Variants in P2RY14 observed in about 807,000 individuals in gnomAD.
P2RY14 encodes purinergic receptor P2Y14, also known as P2Y purinoceptor 14.
In P2RY14, 2 loss-of-function variants were observed where a neutral mutation model predicts 0.9. The ratio of observed to expected loss-of-function variants is 2.16; its 90% CI spans 0.88 to 6.79. The LOEUF (loss-of-function observed/expected upper bound fraction) is 6.79, where lower values mean the gene tolerates loss of function less well. P2RY14 is among the 30% of genes most tolerant of loss of function. The pLI, the probability that P2RY14 is intolerant of heterozygous loss-of-function variation, is 0.05. For synonymous variants in P2RY14, 158 were observed against 147.2 expected (o/e 1.07, Z -0.53); for missense variants, 378 against 400.1 (o/e 0.94, Z 0.47).
chr3:151,218,720 A>C (rs1399288480), intron 2 of P2RY14, among the ~76,000 whole-genome samples: 1 of 151,852 alleles, frequency 6.6e-6, no homozygotes, highest in Non-Finnish European at 1.5e-5. Flanking sequence ...TAAAAAAATT[A>C]GCCAGGTGTG....
intron 1 of P2RY14, among the ~76,000 whole-genome samples, chr3:151,251,248 A>T (rs563442844): frequency 6.6e-6 from 1 of 152,058 alleles, no homozygotes; most frequent in Non-Finnish European, 1.5e-5. Context: ...TTCTACCCAG[A>T]TGCTTCTTGG....
intron 1 of P2RY14, among the ~76,000 whole-genome samples, chr3:151,231,552 GA>G (rs1450092494): frequency 6.6e-6 from 1 of 152,134 alleles, no homozygotes; most frequent in African/African-American, 2.4e-5. Context: ...TTTAGAATAT[GA>G]AACATTTGAT....
At chr3:151,265,931 A>G (rs1739739833) in intron 1 of P2RY14, among the ~76,000 whole-genome samples, 1 of 152,198 alleles carries the variant, frequency 6.6e-6, no homozygotes, top group African/African-American at 2.4e-5. Context: ...GATGGCAGGC[A>G]AAGGGCATCA....
intron 1 of P2RY14, among the ~76,000 whole-genome samples, chr3:151,268,533 A>G (rs964831171): frequency 3.9e-5 from 6 of 152,122 alleles, no homozygotes; most frequent in Non-Finnish European, 1.5e-5. Context: ...AGGTTTCTCC[A>G]TTTTGTCTAA....
intron 1 of P2RY14, among the ~76,000 whole-genome samples, chr3:151,245,971 C>G (rs1735361379): frequency 6.6e-6 from 1 of 150,780 alleles, no homozygotes; most frequent in Non-Finnish European, 1.5e-5. Context: ...TCTTATACAC[C>G]AGCAACAGAC....
At chr3:151,269,397 T>TCACATACACACA (rs1740439949) in intron 1 of P2RY14, 1 of 144,512 alleles carries the variant, frequency 6.9e-6, no homozygotes, top group African/African-American at 2.9e-5. Context: ...TGAAACTCCA[T>TCACATACACACA]CACACACACA....
At chr3:151,227,940 C>A (rs1164169318) in intron 1 of P2RY14, among the ~76,000 whole-genome samples, 2 of 152,316 alleles carry the variant, frequency 1.3e-5, no homozygotes, top group Admixed American at 6.5e-5. Flanking sequence ...TTTGTGCAAC[C>A]AGCCACGTCC....
chr3:151,241,614 A>G (rs1559923832), intron 1 of P2RY14, among the ~76,000 whole-genome samples: 1 of 152,138 alleles, frequency 6.6e-6, no homozygotes, highest in African/African-American at 2.4e-5. Context: ...GGTTATATAT[A>G]TGTGTGTGTG....
intron 1 of P2RY14, among the ~76,000 whole-genome samples, chr3:151,255,191 C>T (rs1231418871): frequency 1.3e-5 from 2 of 152,058 alleles, no homozygotes; most frequent in East Asian, 3.9e-4. Context: ...TAAGAAGGAG[C>T]AATCTGAGGA....
At chr3:151,227,017 G>A (rs2149300887) in intron 1 of P2RY14, among the ~76,000 whole-genome samples, 1 of 152,286 alleles carries the variant, frequency 6.6e-6, no homozygotes, top group Admixed American at 6.5e-5. Flanking sequence ...GCTTGCTGCT[G>A]TTTGTCACCT....
At chr3:151,263,075 G>A (rs1163536658) in intron 1 of P2RY14, among the ~76,000 whole-genome samples, 1 of 152,168 alleles carries the variant, frequency 6.6e-6, no homozygotes, top group African/African-American at 2.4e-5. Flanking sequence ...AGAGACCCAT[G>A]TAGGAGTACA....
At chr3:151,256,485 G>A (rs1737833253) in intron 1 of P2RY14, among the ~76,000 whole-genome samples, 1 of 152,116 alleles carries the variant, frequency 6.6e-6, no homozygotes, top group Admixed American at 6.5e-5. Flanking sequence ...GTCTCCACAG[G>A]GAGTGTGAAT....
At chr3:151,275,208 A>AT (rs1741644897) in intron 1 of P2RY14, among the ~76,000 whole-genome samples, 1 of 152,214 alleles carries the variant, frequency 6.6e-6, no homozygotes, top group Admixed American at 6.5e-5. Flanking sequence ...CGAGGATCAG[A>AT]TTTTTTTCCC....
chr3:151,262,410 C>G (rs144921684), intron 1 of P2RY14, among the ~76,000 whole-genome samples: 3 of 152,134 alleles, frequency 2.0e-5, no homozygotes, highest in Non-Finnish European at 4.4e-5. Context: ...TAATGCTGGG[C>G]CCTGTGGTGA....
At chr3:151,238,144 T>TTTTTCA (rs1464662300) in intron 1 of P2RY14, among the ~76,000 whole-genome samples, 5 of 151,352 alleles carry the variant, frequency 3.3e-5, no homozygotes, top group African/African-American at 1.2e-4. Context: ...TTCTTTTTTC[T>TTTTTCA]TTTTCTTTTT....
At chr3:151,242,799 C>T (rs1413129705) in intron 1 of P2RY14, among the ~76,000 whole-genome samples, 1 of 151,922 alleles carries the variant, frequency 6.6e-6, no homozygotes, top group Non-Finnish European at 1.5e-5. Context: ...AAGAAGGCTT[C>T]AGACGATCAA....
At chr3:151,276,578 C>A (rs1306463786) in intron 1 of P2RY14, among the ~76,000 whole-genome samples, 1 of 152,116 alleles carries the variant, frequency 6.6e-6, no homozygotes, top group African/African-American at 2.4e-5. Context: ...TATCCTGGGG[C>A]CAAATGGAAT....
chr3:151,241,330 AG>A (rs1734035371), intron 1 of P2RY14, among the ~76,000 whole-genome samples: 1 of 152,236 alleles, frequency 6.6e-6, no homozygotes, highest in Non-Finnish European at 1.5e-5. Flanking sequence ...TCAATATCAA[AG>A]AGTATGGCAA....
chr3:151,215,924 C>CT (rs1728132264), intron 2 of P2RY14, among the ~76,000 whole-genome samples: 1 of 152,194 alleles, frequency 6.6e-6, no homozygotes, highest in African/African-American at 2.4e-5. Context: ...GTGTGGAAAA[C>CT]TGTTTCCATA....
Sources: gnomAD v4.1 joint callset for allele counts (sites outside exome capture counted in the v4.1 genomes callset) on GRCh38, gnomAD v4.1.1 for gene constraint, MANE v1.5 for transcripts, NCBI Gene and HGNC (gene_info 2026-07-23, HGNC 2026-07-21) for gene names.